The following KIAA1217 variants were observed in gnomAD, a reference collection of about 807,000 sequenced individuals.
KIAA1217 encodes the protein KIAA1217.
Under a neutral mutation model 163.9 loss-of-function variants are expected in KIAA1217, and 88 were observed. The observed-to-expected ratio is 0.54, with a 90% CI of 0.45 to 0.64. The LOEUF (loss-of-function observed/expected upper bound fraction) is 0.64. Among genes scored for constraint, KIAA1217 ranks in the 30% least tolerant of loss-of-function variants. The pLI is 0.00. For missense variants in KIAA1217, 2,372 were observed against 2,475.0 expected (o/e 0.96, Z 0.88); for synonymous variants, 903 against 923.1 (o/e 0.98, Z 0.39).
chr10:24,414,078 G>A (rs1311548604), intron 3 of KIAA1217, among the ~76,000 whole-genome samples: 1 of 152,174 alleles, frequency 6.6e-6, no homozygotes, highest in Non-Finnish European at 1.5e-5. Flanking sequence ...GAAGTTTAAT[G>A]CAATACTGTT....
At chr10:23,758,494 A>G (rs1234531564) in intron 1 of KIAA1217, among the ~76,000 whole-genome samples, 1 of 152,078 alleles carries the variant, frequency 6.6e-6, no homozygotes, top group Non-Finnish European at 1.5e-5. Context: ...TGAGTCTTCC[A>G]GCTTTGTTAT....
chr10:24,529,993 C>T lies in KIAA1217; in HGVS notation c.3083-1837C>T, dbSNP rs532602502. On this transcript the variant is annotated intron_variant, in intron 14 of 20. Transcript: ENST00000376454. ...TTGTATTTTTAGTAGAGATGGGTTT[C>T]ACCGTGTTGGCCAGGCTGATCTCGA... 9.2e-5 allele frequency among the ~76,000 whole-genome samples: 14 copies of T among 152,006 alleles called. No homozygotes were observed. In the East Asian group the frequency reaches 2.7e-3, roughly 29 times the overall value.
intron 2 of KIAA1217, among the ~76,000 whole-genome samples, chr10:24,337,477 T>C (rs762944575): frequency 6.6e-6 from 1 of 152,200 alleles, no homozygotes; most frequent in Non-Finnish European, 1.5e-5. Flanking sequence ...ATGGCTTATA[T>C]TGGGTTGGTC....
At chr10:24,267,098 A>C (rs977918922) in intron 2 of KIAA1217, among the ~76,000 whole-genome samples, 2 of 152,220 alleles carry the variant, frequency 1.3e-5, no homozygotes, top group African/African-American at 4.8e-5. Flanking sequence ...ACCAGCTATA[A>C]TTGGAGGTGA....
At chr10:24,472,625 C>T (rs2063647640) in intron 5 of KIAA1217, among the ~76,000 whole-genome samples, 1 of 152,032 alleles carries the variant, frequency 6.6e-6, no homozygotes, top group Non-Finnish European at 1.5e-5. Context: ...ACTATTTTTT[C>T]CTGAAATCCC....
chr10:24,072,876 T>C (rs932457858), intron 2 of KIAA1217, among the ~76,000 whole-genome samples: 9 of 152,000 alleles, frequency 5.9e-5, no homozygotes, highest in Admixed American at 1.3e-4. Flanking sequence ...CTGGGCAACC[T>C]GGTGAAACCC....
chr10:24,177,156 A>G (rs6482370), intron 2 of KIAA1217, among the ~76,000 whole-genome samples: 109,951 of 149,788 alleles, frequency 0.73, 40,663 homozygotes, highest in Middle Eastern at 0.8. Context: ...ACAGTGCAGC[A>G]GTGGGCTAAA....
In KIAA1217 at chr10:24,036,045, C is replaced by T. The variant is rs183347153; in HGVS notation, c.-171+28671C>T. On this transcript the variant is annotated intron_variant, in intron 2 of 18. Coordinates refer to the KIAA1217 transcript ENST00000376462. ...TCATTAGAGCCCAGGTGAAGGCCAGCGGAGCACAGGGTTACTGCAGGCTGT... is the reference window on the plus strand; with the variant it reads ...TCATTAGAGCCCAGGTGAAGGCCAGTGGAGCACAGGGTTACTGCAGGCTGT... 2.0e-4 allele frequency among the ~76,000 whole-genome samples: 31 copies of T among 152,322 alleles called. 1 individual carries two copies. The East Asian group carries it at 5.2e-3, about 26-fold the overall frequency.
Position 24,524,355 on chromosome 10 carries a change from A to C in KIAA1217, c.2489A>C (p.Asp830Ala). The C allele has an allele frequency of 6.2e-7, 1 of 1,612,688 alleles. No homozygotes were observed. Reference sequence around the variant, plus strand: ...ACTGATGGGCTCCTGAAAGGCACGGACGCAGCCCAAGCCGCACAGTACATG... The same window carrying C: ...ACTGATGGGCTCCTGAAAGGCACGGCCGCAGCCCAAGCCGCACAGTACATG... ...HVTDGLLKGT[D>A]AAQAAQYMAM... The change falls in exon 13 of 21, where the codon GAC (aspartate) becomes GCC (alanine). Residue 830 changes from aspartate to alanine, a missense_variant. Asp to Ala is a moderately radical substitution (Grantham distance 126, BLOSUM62 -2). This residue lies in a region of KIAA1217 where 1,431 missense variants were observed against 1,470.3 expected (regional missense o/e 0.97). Coordinates refer to ENST00000376454, the MANE Select transcript of KIAA1217 (RefSeq NM_019590.5).
chr10:24,485,010 C>A (rs2065202998), intron 6 of KIAA1217, among the ~76,000 whole-genome samples: 1 of 151,866 alleles, frequency 6.6e-6, no homozygotes, highest in African/African-American at 2.4e-5. Context: ...ACTGCTAGAA[C>A]CTGGGAAGCC....
chr10:24,153,036 C>T (rs2064695136), intron 2 of KIAA1217, among the ~76,000 whole-genome samples: 1 of 152,196 alleles, frequency 6.6e-6, no homozygotes, highest in Admixed American at 6.5e-5. Flanking sequence ...GGGTGCAAAT[C>T]CTCTGTTCTC....
intron 2 of KIAA1217, among the ~76,000 whole-genome samples, chr10:24,272,899 G>T (rs188104074): frequency 3.3e-5 from 5 of 152,112 alleles, no homozygotes; most frequent in Non-Finnish European, 5.9e-5. Context: ...AAGAGCAAAC[G>T]TGGAATAGCA....
chr10:24,544,075 T>C lies in KIAA1217; in HGVS notation c.4805T>C (p.Val1602Ala), dbSNP rs1467340337. The change falls in exon 19 of 21, where the codon GTG becomes GCG. Residue 1602 changes from valine to alanine, a missense_variant. This residue lies in a region of KIAA1217 where 690 missense variants were observed against 677.5 expected (regional missense o/e 1.02). Coordinates refer to ENST00000376454, the MANE Select transcript of KIAA1217 (RefSeq NM_019590.5). ...GTKTGKKTLQ[V>A]VVYEEEEEDG... ...AAAACAGGGAAGAAGACTTTGCAAGTGGTAGTCTATGAAGAAGAGGAAGAG... is the reference window on the plus strand; with the variant it reads ...AAAACAGGGAAGAAGACTTTGCAAGCGGTAGTCTATGAAGAAGAGGAAGAG... 6.2e-7 allele frequency: 1 copy of C among 1,613,900 alleles called. No homozygotes were observed. The highest frequency in any genetic ancestry group is 2.2e-5 in the East Asian group (1 of 44,836).
intron 3 of KIAA1217, among the ~76,000 whole-genome samples, chr10:24,408,200 CA>C (rs1257857170): frequency 1.3e-5 from 2 of 152,182 alleles, no homozygotes; most frequent in Admixed American, 1.3e-4. Context: ...GTGAGGATTA[CA>C]TTAGTTAATT....
At chr10:24,452,133 G>A (rs1488972466) in intron 5 of KIAA1217, among the ~76,000 whole-genome samples, 2 of 152,160 alleles carry the variant, frequency 1.3e-5, no homozygotes, top group East Asian at 3.8e-4. Context: ...GATACATTTT[G>A]CCTACTGGTA....
At chr10:24,042,543 C>T (rs1356345420) in intron 2 of KIAA1217, 1 of 152,168 alleles carries the variant, frequency 6.6e-6, no homozygotes, top group Non-Finnish European at 1.5e-5. Flanking sequence ...TTAGAAACTT[C>T]CTGCTTAACA....
chr10:23,824,645 A>T (rs1484907545), intron 1 of KIAA1217, among the ~76,000 whole-genome samples: 16 of 95,854 alleles, frequency 1.7e-4, no homozygotes, highest in South Asian at 3.5e-4. Flanking sequence ...AAAAAAAAAA[A>T]AAAAATAAAA....
At chr10:23,853,753 G>GT (rs889193467) in intron 1 of KIAA1217, among the ~76,000 whole-genome samples, 1 of 152,158 alleles carries the variant, frequency 6.6e-6, no homozygotes, top group Non-Finnish European at 1.5e-5. Context: ...GAGGGTGTGT[G>GT]TGTCGAGGAA....
intron 2 of KIAA1217, among the ~76,000 whole-genome samples, chr10:24,087,760 G>A (rs1370417158): frequency 1.3e-5 from 2 of 152,100 alleles, no homozygotes; most frequent in African/African-American, 4.8e-5. Context: ...ATTCCATCGT[G>A]GTAGTCTTCT....
Sources: allele counts gnomAD v4.1 joint callset (sites outside exome capture counted in the v4.1 genomes callset), GRCh38; gene constraint gnomAD v4.1.1; regional missense constraint gnomAD v4.1.1; transcripts MANE v1.5; gene names NCBI Gene and HGNC (gene_info 2026-07-23, HGNC 2026-07-21).